TYW1B: variants seen among roughly 807,000 people sequenced by gnomAD.
TYW1B encodes tRNA-yW synthesizing protein 1 homolog B.
TYW1B carries 73 observed loss-of-function variants against 86.9 expected under a neutral mutation model. The ratio of observed to expected loss-of-function variants is 0.84; its 90% CI spans 0.70 to 1.02. The LOEUF (loss-of-function observed/expected upper bound fraction) is 1.02. Ranked by LOEUF, TYW1B falls within the 50% of genes least tolerant of loss-of-function variation. The pLI, the probability that TYW1B is intolerant of heterozygous loss-of-function variation, is 0.00. For missense variants in TYW1B, 637 were observed against 827.4 expected, an observed-to-expected ratio of 0.77 and a Z score of 2.82; for synonymous variants, 248 against 292.8, an observed-to-expected ratio of 0.85 and a Z score of 1.56.
At chr7:72,581,536 G>A (rs1471702946) in intron 13 of TYW1B, among the ~76,000 whole-genome samples, 1 of 151,838 alleles carries the variant, frequency 6.6e-6, no homozygotes, top group African/African-American at 2.4e-5. Context: ...CGGCTTCACT[G>A]CAACCTCCAC....
chr7:72,614,579 G>T lies in TYW1B; in HGVS notation c.1785+2093C>A, dbSNP rs189576364. On this transcript the variant is annotated intron_variant, in intron 13 of 13. Transcript: ENST00000620995. ...AGGGAGGAGGCAGAGGTTGCAGTGA[G>T]CCGAGGTTGCGTCACCACACTCCAG... Among the ~76,000 whole-genome samples, 9 of 151,658 alleles carry T rather than the reference G, an allele frequency of 5.9e-5. No homozygotes were observed. The East Asian group carries it at 1.8e-3, about 30-fold the overall frequency.
chr7:72,768,316 C>T (rs1409490481), intron 7 of TYW1B, among the ~76,000 whole-genome samples: 1 of 152,120 alleles, frequency 6.6e-6, no homozygotes, highest in East Asian at 1.9e-4. Context: ...ACAACTCTGT[C>T]CGCCCCCTCG....
At position 72,592,073 on chromosome 7, in the gene TYW1B, T is replaced by C. The variant is rs1489763790; in HGVS notation, c.1786-16354A>G. On this transcript the variant is annotated intron_variant, in intron 13 of 13. Transcript: ENST00000620995. ...CCTGACCTCAGATGATCTGCCCACC[T>C]CGGCCTCCCAAAGTGCTGGGATTAC... Among the ~76,000 whole-genome samples, 4 of 145,992 alleles carry C rather than the reference T, an allele frequency of 2.7e-5. No homozygotes were observed. In the South Asian group the frequency reaches 8.8e-4, roughly 32 times the overall value.
At position 72,632,345 on chromosome 7, in the gene TYW1B, ATT is replaced by A. The variant is rs1491202461; in HGVS notation, c.1507-3350_1507-3349del. ...ATTATATATATATACACGTATATAT[ATT>A]ATATATATTATATATATACGCATAT... is the stretch of plus-strand genomic sequence containing the variant. On this transcript the variant is annotated intron_variant, in intron 11 of 13. Transcript: ENST00000620995. Among the ~76,000 whole-genome samples, 4 of 108,630 alleles carry A rather than the reference ATT, an allele frequency of 3.7e-5. No homozygotes were observed. The South Asian group carries it at 7.6e-4, about 21-fold the overall frequency. The allele number at this position is 108,630 out of a possible 152,430, so 71.3% of individuals were successfully genotyped here. A position where few individuals can be genotyped will look rare whatever the true frequency, so the allele number is the denominator to read the frequency against.
At position 72,685,789 on chromosome 7, in the gene TYW1B, G is replaced by C. The variant is rs576792678; in HGVS notation, c.1506+8898C>G. Among the ~76,000 whole-genome samples the C allele has an allele frequency of 3.9e-5, 6 of 152,234 alleles. No individual in the cohort carries two copies. The South Asian group carries it at 1.0e-3, about 26-fold the overall frequency. On this transcript the variant is annotated intron_variant, in intron 11 of 13. Coordinates refer to ENST00000620995, the MANE Select transcript of TYW1B (RefSeq NM_001145440.3). ...ATAGCAAACCAAAGGCATGACCCAT[G>C]AGAGAAAAATTTAGTAAGTATTAAA...
chr7:72,667,734 G>A (rs1361063277), intron 11 of TYW1B, among the ~76,000 whole-genome samples: 1 of 152,084 alleles, frequency 6.6e-6, no homozygotes, highest in Non-Finnish European at 1.5e-5. Context: ...ACAAAACAAA[G>A]AGATGTTGTA....
At chr7:72,662,987 T>C (rs1813370239) in intron 11 of TYW1B, among the ~76,000 whole-genome samples, 4 of 152,198 alleles carry the variant, frequency 2.6e-5, no homozygotes, top group African/African-American at 7.2e-5. Context: ...TTCCTGTAAA[T>C]TCTTTTTTTC....
chr7:72,711,570 C>A (rs2129570685), intron 10 of TYW1B, among the ~76,000 whole-genome samples: 1 of 130,052 alleles, frequency 7.7e-6, no homozygotes, highest in South Asian at 2.6e-4. Flanking sequence ...CCCAGGTTCT[C>A]ACCATTCTCC....
intron 6 of TYW1B, among the ~76,000 whole-genome samples, chr7:72,792,371 A>G (rs1222503680): frequency 6.6e-6 from 1 of 152,124 alleles, no homozygotes; most frequent in Admixed American, 6.6e-5. Context: ...GAAAAAAGAA[A>G]GAAAAAATGC....
intron 13 of TYW1B, among the ~76,000 whole-genome samples, chr7:72,594,014 G>A (rs1348086179): frequency 6.6e-6 from 1 of 151,772 alleles, no homozygotes; most frequent in Non-Finnish European, 1.5e-5. Flanking sequence ...GGGACACAGT[G>A]AAAGCAATGC....
intron 8 of TYW1B, among the ~76,000 whole-genome samples, chr7:72,736,058 C>T (rs1554460956): frequency 6.6e-6 from 1 of 152,110 alleles, no homozygotes; most frequent in African/African-American, 2.4e-5. Context: ...AGAAAGGGTA[C>T]ACTCGCCAGC....
At chr7:72,692,811 G>A (rs1170276945) in intron 11 of TYW1B, among the ~76,000 whole-genome samples, 1 of 152,144 alleles carries the variant, frequency 6.6e-6, no homozygotes, top group Non-Finnish European at 1.5e-5. Context: ...TGGGGAGACA[G>A]TAACCGAAGA....
chr7:72,694,164 T>C (rs540089290), intron 11 of TYW1B, among the ~76,000 whole-genome samples: 9 of 152,088 alleles, frequency 5.9e-5, no homozygotes, highest in Non-Finnish European at 1.2e-4. Context: ...GGTCTGACCA[T>C]GTTGGCCAGG....
intron 11 of TYW1B, among the ~76,000 whole-genome samples, chr7:72,669,489 G>A (rs1468819417): frequency 6.6e-6 from 1 of 151,946 alleles, no homozygotes; most frequent in Non-Finnish European, 1.5e-5. Flanking sequence ...TGGCTGGCCA[G>A]GCGCAGTGGC....
At chr7:72,690,074 G>C (rs371369370) in intron 11 of TYW1B, among the ~76,000 whole-genome samples, 1 of 145,594 alleles carries the variant, frequency 6.9e-6, no homozygotes, top group South Asian at 2.2e-4. Context: ...TCATTGTTAA[G>C]GTGCAATGCA....
chr7:72,585,587 A>C (rs1811254749), intron 13 of TYW1B, among the ~76,000 whole-genome samples: 1 of 152,116 alleles, frequency 6.6e-6, no homozygotes, highest in South Asian at 2.1e-4. Context: ...ACCAGGTGGG[A>C]GGTAATTGAA....
intron 11 of TYW1B, among the ~76,000 whole-genome samples, chr7:72,672,055 G>A (rs113409415): frequency 4.8e-3 from 665 of 137,382 alleles, no homozygotes; most frequent in Middle Eastern, 8.0e-3. Context: ...CTGAATCATG[G>A]GGCAAGTGTT....
At chr7:72,618,695 C>T (rs1454930110) in intron 12 of TYW1B, among the ~76,000 whole-genome samples, 1 of 152,116 alleles carries the variant, frequency 6.6e-6, no homozygotes, top group Non-Finnish European at 1.5e-5. Flanking sequence ...CCACAGCCAC[C>T]CAGCTTAATT....
At chr7:72,758,718 T>C (rs755512397) in intron 7 of TYW1B, among the ~76,000 whole-genome samples, 7 of 152,176 alleles carry the variant, frequency 4.6e-5, no homozygotes, top group Non-Finnish European at 8.8e-5. Context: ...ACCTTAATAA[T>C]GAATCACACA....
Sources: gnomAD v4.1 joint callset for allele counts (sites outside exome capture counted in the v4.1 genomes callset) on GRCh38, gnomAD v4.1.1 for gene constraint, MANE v1.5 for transcripts, NCBI Gene and HGNC (gene_info 2026-07-23, HGNC 2026-07-21) for gene names.